HIVEP1: variants seen among roughly 807,000 people sequenced by gnomAD.
The protein encoded by HIVEP1 is zinc finger protein 40.
In HIVEP1, 36 loss-of-function variants were observed where a neutral mutation model predicts 180.0. The observed-to-expected ratio is 0.20, with a 90% confidence interval of 0.15 to 0.26. HIVEP1 has a LOEUF of 0.26. Among genes scored for constraint, HIVEP1 ranks in the 10% least tolerant of loss-of-function variants. The pLI is 1.00. For synonymous variants in HIVEP1, 1,239 were observed against 1,239.0 expected, an observed-to-expected ratio of 1.00 and a Z score of 0.00; for missense variants, 3,143 against 3,268.7, an observed-to-expected ratio of 0.96 and a Z score of 0.94.
At chr6:12,046,793 A>G (rs1007576121) in intron 2 of HIVEP1, among the ~76,000 whole-genome samples, 9 of 147,870 alleles carry the variant, frequency 6.1e-5, no homozygotes, top group African/African-American at 2.0e-4. Context: ...TAAAAAAAAG[A>G]ATTCTGGGTG....
Position 12,161,499 on chromosome 6 carries a change from C to T in HIVEP1, c.6548C>T (p.Pro2183Leu), listed in dbSNP as rs748570114. The change falls in exon 8 of 9, where the codon CCA becomes CTA. Residue 2183 changes from proline (P) to leucine (L), a missense_variant. Coordinates refer to ENST00000379388, the MANE Select transcript of HIVEP1 (RefSeq NM_002114.4). ...TATGATCTTGAAGAATCTGATGGCC[C>T]AGATGAGGATGACAATGAAAATGAA... ...SGYDLEESDG[P>L]DEDDNENEDD... 31 of 1,613,916 alleles carry T rather than the reference C, an allele frequency of 1.9e-5. 1 individual carries two copies. In the Middle Eastern group the frequency reaches 3.6e-3, roughly 189 times the overall value.
upstream of HIVEP1, chr6:12,008,572 T>A (rs1202233464): frequency 2.0e-5 from 3 of 151,920 alleles, no homozygotes; most frequent in East Asian, 2.0e-4. Flanking sequence ...GTGGGTCCTT[T>A]CCCGCGACTA....
At chr6:12,074,593 C>G (rs542270539) in intron 2 of HIVEP1, among the ~76,000 whole-genome samples, 2 of 144,308 alleles carry the variant, frequency 1.4e-5, no homozygotes, top group Non-Finnish European at 3.1e-5. Context: ...CTCCATAGAT[C>G]GCTGCAGTCC....
At chr6:12,061,977 T>C (rs1431747469) in intron 2 of HIVEP1, among the ~76,000 whole-genome samples, 1 of 152,208 alleles carries the variant, frequency 6.6e-6, no homozygotes, top group Non-Finnish European at 1.5e-5. Context: ...TATTGTTTTA[T>C]AGTAGAGTCA....
At position 12,164,440 on chromosome 6, in the gene HIVEP1, C is replaced by A. The variant is rs1261998411; in HGVS notation, c.8136C>A (p.Asp2712Glu). ...ACGTGAGCAGCGATGATGACGAGGA[C>A]AGGCTTGTGATAGCAACCTGATGGA... Reference protein sequence around the residue: ...FSDVSSDDDEDRLVIAT With the variant: ...FSDVSSDDDEERLVIAT Residue 2712 changes from aspartate to glutamate, a missense_variant, in exon 9 of 9, where the codon GAC (aspartate) becomes GAA (glutamate). Transcript: ENST00000379388. The A allele has an allele frequency of 6.2e-7, 1 of 1,606,250 alleles. No individual in the cohort carries two copies. The highest frequency in any genetic ancestry group is 1.1e-5 in the South Asian group (1 of 89,594).
At chr6:12,167,556 A>ACATGCATGTCATATATACATGT (rs1562023350), downstream of HIVEP1, among the ~76,000 whole-genome samples, 5 of 87,138 alleles carry the variant, frequency 5.7e-5, 1 homozygote, top group East Asian at 3.0e-4. Flanking sequence ...TAATATATGT[A>ACATGCATGTCATATATACATGT]TATATTACAT....
chr6:12,153,890 G>A (rs1759857721), intron 7 of HIVEP1, among the ~76,000 whole-genome samples: 1 of 152,218 alleles, frequency 6.6e-6, no homozygotes, highest in Admixed American at 6.5e-5. Context: ...GCTCACGCCT[G>A]TAATCCCAGC....
chr6:12,064,735 C>T (rs1771454157), intron 2 of HIVEP1, among the ~76,000 whole-genome samples: 1 of 152,118 alleles, frequency 6.6e-6, no homozygotes, highest in Admixed American at 6.6e-5. Context: ...TGTGTGTCCC[C>T]TCCCCACGCC....
chr6:12,077,483 T>A (rs1772446159), intron 2 of HIVEP1, among the ~76,000 whole-genome samples: 2 of 152,166 alleles, frequency 1.3e-5, no homozygotes, highest in South Asian at 4.1e-4. Context: ...GCACTTGTCA[T>A]CTTTCGTAGG....
intron 7 of HIVEP1, among the ~76,000 whole-genome samples, chr6:12,139,114 A>G (rs1321103782): frequency 4.0e-5 from 6 of 151,662 alleles, no homozygotes; most frequent in East Asian, 2.0e-4. Flanking sequence ...CCTTGTAACA[A>G]TTGTGTCATT....
intron 5 of HIVEP1, 133 bp from the exon 6 acceptor site, chr6:12,130,634 A>T: frequency 1.9e-6 from 1 of 528,108 alleles, no homozygotes; most frequent in East Asian, 2.9e-5. Context: ...ATTCTGTTAC[A>T]CATGCATAAA....
intron 2 of HIVEP1, among the ~76,000 whole-genome samples, chr6:12,066,166 G>A (rs1356604477): frequency 6.6e-6 from 1 of 152,154 alleles, no homozygotes; most frequent in Non-Finnish European, 1.5e-5. Flanking sequence ...TCTTACGCTG[G>A]ATGGGAACAG....
At chr6:12,179,255 A>C in the HIVEP1 span, among the ~76,000 whole-genome samples, 1 of 152,166 alleles carries the variant, frequency 6.6e-6, no homozygotes, top group African/African-American at 2.4e-5. Flanking sequence ...GGACCCAAAT[A>C]TCAGCTCTGT....
At position 12,012,562 on chromosome 6, in the gene HIVEP1, A is replaced by T. The variant is rs749817135; in HGVS notation, c.-108A>T. Reference sequence around the variant, plus strand: ...CAGCGGCTCCGCCGGGCGTCCTGGCAGCAGGTTCGGCGCGGGCTCCGCGGC... The same window carrying T: ...CAGCGGCTCCGCCGGGCGTCCTGGCTGCAGGTTCGGCGCGGGCTCCGCGGC... On this transcript the variant is annotated 5_prime_UTR_variant, in exon 1 of 9. Transcript: ENST00000379388. 2,058 of 143,406 alleles carry T rather than the reference A, an allele frequency of 0.014. 22 individuals carry two copies. Among genetic ancestry groups the T allele is most frequent in the Non-Finnish European group, 0.02 (1,316 of 65,452 alleles). The allele number at this position is 143,406 out of a possible 1,614,324, so 8.9% of individuals were successfully genotyped here.
chr6:12,170,998 C>T, the HIVEP1 span, among the ~76,000 whole-genome samples: 4 of 152,078 alleles, frequency 2.6e-5, no homozygotes, highest in Non-Finnish European at 5.9e-5. Context: ...CCAAATAGGT[C>T]AGGATCAGTG....
chr6:12,178,466 A>T, the HIVEP1 span, among the ~76,000 whole-genome samples: 1 of 152,254 alleles, frequency 6.6e-6, no homozygotes. Context: ...AATTCATATT[A>T]GAAAAAATAT....
chr6:12,018,253 C>T (rs1767963730), intron 2 of HIVEP1, among the ~76,000 whole-genome samples: 1 of 152,228 alleles, frequency 6.6e-6, no homozygotes, highest in East Asian at 1.9e-4. Context: ...GCCCCCGTTC[C>T]TGCCCGCGCT....
At chr6:12,059,369 G>T (rs2113746929) in intron 2 of HIVEP1, among the ~76,000 whole-genome samples, 1 of 152,176 alleles carries the variant, frequency 6.6e-6, no homozygotes, top group South Asian at 2.1e-4. Flanking sequence ...TACATTTTTT[G>T]GGGGGCGGGG....
At chr6:12,041,118 GTTT>G (rs1769660980) in intron 2 of HIVEP1, among the ~76,000 whole-genome samples, 1 of 152,182 alleles carries the variant, frequency 6.6e-6, no homozygotes, top group Admixed American at 6.5e-5. Flanking sequence ...GCATCTTTCT[GTTT>G]TTAGAAATAA....
Sources: allele counts gnomAD v4.1 joint callset (sites outside exome capture counted in the v4.1 genomes callset), GRCh38; gene constraint gnomAD v4.1.1; transcripts MANE v1.5; gene names NCBI Gene and HGNC (gene_info 2026-07-23, HGNC 2026-07-21).